ATP6V1C2: variants seen among roughly 807,000 people sequenced by gnomAD.
ATP6V1C2 encodes the protein ATPase H+ transporting V1 subunit C2, also known as V-type proton ATPase subunit C 2.
A neutral mutation model predicts 56.8 loss-of-function variants in ATP6V1C2; 45 were observed. The ratio of observed to expected loss-of-function variants is 0.79; its 90% CI spans 0.62 to 1.02. The LOEUF (loss-of-function observed/expected upper bound fraction) is 1.02, where lower values mean the gene tolerates loss of function less well. Among genes scored for constraint, ATP6V1C2 ranks in the 50% least tolerant of loss-of-function variants. ATP6V1C2 has a pLI of 0.00. For synonymous variants in ATP6V1C2, 220 were observed against 201.3 expected, an observed-to-expected ratio of 1.09 and a Z score of -0.79; for missense variants, 463 against 519.7, an observed-to-expected ratio of 0.89 and a Z score of 1.06.
At chr2:10,765,182 G>GA (rs2148481992) in intron 5 of ATP6V1C2, among the ~76,000 whole-genome samples, 1 of 152,252 alleles carries the variant, frequency 6.6e-6, no homozygotes, top group Admixed American at 6.5e-5. Context: ...TGAGTGTCCT[G>GA]ACAGTCCTCT....
At chr2:10,781,195 C>T (rs953609382) in intron 12 of ATP6V1C2, among the ~76,000 whole-genome samples, 1 of 152,138 alleles carries the variant, frequency 6.6e-6, no homozygotes, top group Non-Finnish European at 1.5e-5. Context: ...TACCACCCAC[C>T]ACAGCGAGCA....
At chr2:10,765,841 C>G (rs1017525529) in intron 5 of ATP6V1C2, among the ~76,000 whole-genome samples, 8 of 152,120 alleles carry the variant, frequency 5.3e-5, no homozygotes, top group African/African-American at 1.9e-4. Context: ...TGGGAAGGGC[C>G]CCCTGGAGCA....
intron 3 of ATP6V1C2, among the ~76,000 whole-genome samples, chr2:10,749,130 CAAAAA>C (rs56095492): frequency 0.012 from 1,137 of 94,798 alleles, 13 homozygotes; most frequent in African/African-American, 0.041. Context: ...AACTCCGTCT[CAAAAA>C]AAAAAAAAAA....
rs901721257 is a variant in ATP6V1C2, at chr2:10,784,490, A to G, written c.*1227A>G. The stretch of plus-strand genomic sequence containing the variant: ...GACCTTCGTACCTATGATTATACGG[A>G]TGGAAAAGCTCAGAACTCAGGTGAA... On this transcript the variant is annotated 3_prime_UTR_variant, in exon 14 of 14. Transcript: ENST00000272238. 5 of 565,594 alleles carry G rather than the reference A, an allele frequency of 8.8e-6. No individual in the cohort carries two copies. Among genetic ancestry groups the G allele is most frequent in the Non-Finnish European group, 1.2e-5 (4 of 323,302 alleles). The allele number at this position is 565,594 out of a possible 1,614,324, so 35.0% of individuals were successfully genotyped here. A position where few individuals can be genotyped will look rare whatever the true frequency, so the allele number is the denominator to read the frequency against.
Position 10,784,406 on chromosome 2 carries a change from C to A in ATP6V1C2, c.*1143C>A. The A allele has an allele frequency of 9.1e-7, 1 of 1,096,688 alleles. No individual in the cohort carries two copies. Among genetic ancestry groups the A allele is most frequent in the Non-Finnish European group, 1.3e-6 (1 of 743,248 alleles). 67.9% of individuals were successfully genotyped at this position (1,096,688 alleles called of 1,614,324 possible). On this transcript the variant is annotated 3_prime_UTR_variant, in exon 14 of 14. Transcript: ENST00000272238. The stretch of plus-strand genomic sequence containing the variant: ...GTCAACATCTCATTTTATGGAAGAG[C>A]GACTCTCTGGAGCTACTCCTGCTAC...
chr2:10,774,816 C>T lies in ATP6V1C2; in HGVS notation c.667C>T (p.Leu223Phe). 1.9e-6 allele frequency: 3 copies of T among 1,614,178 alleles called. No homozygotes were observed. The highest frequency in any genetic ancestry group is 2.5e-6 in the Non-Finnish European group (3 of 1,180,010). Residue 223 changes from leucine to phenylalanine, a missense_variant, in exon 9 of 14, where the codon CTT becomes TTT. By Grantham distance (22) the Leu-to-Phe change is conservative. Coordinates refer to ENST00000272238, the MANE Select transcript of ATP6V1C2 (RefSeq NM_001039362.2). Reference sequence around the variant, plus strand: ...CATTACTGAGGACAAGGAAGGGGGCCTTTTCACTGTGACTCTGTTTCGAAA... The same window carrying T: ...CATTACTGAGGACAAGGAAGGGGGCTTTTTCACTGTGACTCTGTTTCGAAA... ...KLITEDKEGG[L>F]FTVTLFRKVI...
chr2:10,750,490 T>C (rs779422071), intron 3 of ATP6V1C2, among the ~76,000 whole-genome samples: 1 of 150,504 alleles, frequency 6.6e-6, no homozygotes, highest in South Asian at 2.1e-4. Flanking sequence ...CACTCCAGCC[T>C]GGGCGACAGG....
At position 10,784,726 on chromosome 2, in the gene ATP6V1C2, T is replaced by G; in HGVS notation, c.*1463T>G. ...GCAACCTTACTACTGAAATGTATCT[T>G]GGCTGTCAAGAGTATCAAATGCCAT... On this transcript the variant is annotated 3_prime_UTR_variant, in exon 14 of 14. Coordinates refer to ENST00000272238, the MANE Select transcript of ATP6V1C2 (RefSeq NM_001039362.2). The G allele has an allele frequency of 1.8e-6, 1 of 559,424 alleles. No individual in the cohort carries two copies. Among genetic ancestry groups the G allele is most frequent in the Non-Finnish European group, 3.2e-6 (1 of 316,960 alleles). 34.7% of individuals were successfully genotyped at this position (559,424 alleles called of 1,614,324 possible).
chr2:10,754,653 A>G (rs11902342), intron 4 of ATP6V1C2, among the ~76,000 whole-genome samples: 70,686 of 151,350 alleles, frequency 0.47, 16,568 homozygotes, highest in East Asian at 0.58. Flanking sequence ...GCTCACTGCA[A>G]GCTCCGCCTT....
chr2:10,754,869 G>A (rs139973285), intron 4 of ATP6V1C2, among the ~76,000 whole-genome samples: 2 of 151,900 alleles, frequency 1.3e-5, no homozygotes, highest in African/African-American at 4.8e-5. Context: ...GAGCCACCGC[G>A]CCCGGCCTAT....
chr2:10,784,562 T>C lies in ATP6V1C2; in HGVS notation c.*1299T>C, dbSNP rs1233567012. The C allele has an allele frequency of 4.9e-6, 2 of 411,368 alleles. No individual in the cohort carries two copies. Among genetic ancestry groups the C allele is most frequent in the Non-Finnish European group, 8.2e-6 (2 of 242,508 alleles). The allele number at this position is 411,368 out of a possible 1,614,324, so 25.5% of individuals were successfully genotyped here. A position where few individuals can be genotyped will look rare whatever the true frequency, so the allele number is the denominator to read the frequency against. On this transcript the variant is annotated 3_prime_UTR_variant, in exon 14 of 14. Coordinates refer to ENST00000272238, the MANE Select transcript of ATP6V1C2 (RefSeq NM_001039362.2). ...CACCATTTTAACACTGGAAGCCACT[T>C]GAACGTGTCCTTTTGAGGAGGGTGG...
Position 10,780,749 on chromosome 2 carries a change from CTT to C in ATP6V1C2, c.1062-1481_1062-1480del, listed in dbSNP as rs34670802. 3.8e-3 allele frequency among the ~76,000 whole-genome samples: 554 copies of C among 144,192 alleles called. 4 individuals carry two copies. The highest frequency in any genetic ancestry group is 0.013 in the African/African-American group (513 of 39,492). 94.6% of individuals were successfully genotyped at this position (144,192 alleles called of 152,430 possible). A position where few individuals can be genotyped will look rare whatever the true frequency, so the allele number is the denominator to read the frequency against. On this transcript the variant is annotated intron_variant, in intron 12 of 13. Coordinates refer to ENST00000272238, the MANE Select transcript of ATP6V1C2 (RefSeq NM_001039362.2). The surrounding 1 kb of genome is among the most constrained non-coding windows in gnomAD (Gnocchi z 4.1). ...CGATGGGCCAGCCGCTCCTGGGGTCCTTTTTTTTTTTTTTGAGATGGACTCTT... is the reference window on the plus strand; with the variant it reads ...CGATGGGCCAGCCGCTCCTGGGGTCCTTTTTTTTTTTTGAGATGGACTCTT...
At chr2:10,754,898 C>G (rs533592139) in intron 4 of ATP6V1C2, among the ~76,000 whole-genome samples, 8 of 151,028 alleles carry the variant, frequency 5.3e-5, no homozygotes, top group Admixed American at 2.6e-4. Context: ...TTTTCTGAGA[C>G]GTGGTCTTGC....
rs903471754 is a variant in ATP6V1C2, at chr2:10,744,547, C to G, written c.198-9434C>G. Among the ~76,000 whole-genome samples, 3 of 151,414 alleles carry G rather than the reference C, an allele frequency of 2.0e-5. No individual in the cohort carries two copies. The East Asian group carries it at 5.8e-4, about 29-fold the overall frequency. Reference sequence around the variant, plus strand: ...TGCAGATGTTTAACTTGGGGAAATTCTAGTATCTGACACTTGAACTACGTA... The same window carrying G: ...TGCAGATGTTTAACTTGGGGAAATTGTAGTATCTGACACTTGAACTACGTA... On this transcript the variant is annotated intron_variant, in intron 3 of 13. Transcript: ENST00000272238.
intron 6 of ATP6V1C2, among the ~76,000 whole-genome samples, chr2:10,771,021 G>A (rs1323459933): frequency 6.6e-6 from 1 of 152,222 alleles, no homozygotes; most frequent in Admixed American, 6.5e-5. Flanking sequence ...GGACAGGGAG[G>A]CTCATGCATG....
At chr2:10,746,707 A>G (rs1356426861) in intron 3 of ATP6V1C2, among the ~76,000 whole-genome samples, 4 of 152,034 alleles carry the variant, frequency 2.6e-5, no homozygotes, top group African/African-American at 9.7e-5. Context: ...ACCCCGCCCA[A>G]CCGTAGTTTC....
rs1665607534 is a variant in ATP6V1C2 at position 10,784,525 on chromosome 2, C to T, written c.*1262C>T. The T allele has an allele frequency of 1.8e-6, 1 of 541,304 alleles. No homozygotes were observed. The highest frequency in any genetic ancestry group is 3.2e-6 in the Non-Finnish European group (1 of 309,672). 33.5% of individuals were successfully genotyped at this position (541,304 alleles called of 1,614,324 possible). A position where few individuals can be genotyped will look rare whatever the true frequency, so the allele number is the denominator to read the frequency against. On this transcript the variant is annotated 3_prime_UTR_variant, in exon 14 of 14. Transcript: ENST00000272238. ...TCAGAACTCAGGTGAAACATTTCAA[C>T]ATCACATCACTCACCATTTTAACAC...
At chr2:10,737,980 G>A (rs535701623) in intron 3 of ATP6V1C2, among the ~76,000 whole-genome samples, 7 of 152,204 alleles carry the variant, frequency 4.6e-5, no homozygotes, top group African/African-American at 4.8e-5. Flanking sequence ...TGTGAGCCCC[G>A]GCGCCTGGCC....
chr2:10,746,090 C>T (rs1448494957), intron 3 of ATP6V1C2, among the ~76,000 whole-genome samples: 3 of 152,120 alleles, frequency 2.0e-5, no homozygotes, highest in Non-Finnish European at 2.9e-5. Flanking sequence ...ACCTCCACCT[C>T]CTGGGTTTAA....
Sources: gnomAD v4.1 joint callset for allele counts (sites outside exome capture counted in the v4.1 genomes callset) on GRCh38, gnomAD v4.1.1 for gene constraint, Gnocchi (gnomAD v3.1) non-coding constraint, MANE v1.5 for transcripts, NCBI Gene and HGNC (gene_info 2026-07-23, HGNC 2026-07-21) for gene names.